Variants in RFX3 observed in about 807,000 individuals in gnomAD.
RFX3 encodes transcription factor RFX3.
Under a neutral mutation model 98.6 loss-of-function variants are expected in RFX3, and 14 were observed. The observed-to-expected ratio is 0.14, with a 90% CI of 0.09 to 0.22. The LOEUF is 0.22. Among genes scored for constraint, RFX3 ranks in the 10% least tolerant of loss-of-function variants. The pLI, the probability that RFX3 is intolerant of heterozygous loss-of-function variation, is 1.00. For synonymous variants in RFX3, 383 were observed against 328.4 expected (o/e 1.17, Z -1.80); for missense variants, 639 against 926.9 (o/e 0.69, Z 4.03).
At chr9:3,517,924 A>T (rs1024856995) in intron 1 of RFX3, among the ~76,000 whole-genome samples, 1 of 152,210 alleles carries the variant, frequency 6.6e-6, no homozygotes, top group Non-Finnish European at 1.5e-5. Flanking sequence ...CACATCCCAT[A>T]ACAAAATGGA....
intron 1 of RFX3, among the ~76,000 whole-genome samples, chr9:3,453,199 C>G (rs543703185): frequency 6.6e-6 from 1 of 152,168 alleles, no homozygotes; most frequent in South Asian, 2.1e-4. Flanking sequence ...TGATTAATCA[C>G]TCTGTCATGT....
At chr9:3,269,563 T>G (rs916098629) in intron 11 of RFX3, among the ~76,000 whole-genome samples, 1 of 152,150 alleles carries the variant, frequency 6.6e-6, no homozygotes, top group African/African-American at 2.4e-5. Flanking sequence ...TAAAATAGTT[T>G]CAGCTGCCTC....
chr9:3,301,209 T>TTTA (rs200588044), intron 5 of RFX3, among the ~76,000 whole-genome samples: 4,667 of 151,970 alleles, frequency 0.031, 96 homozygotes, highest in Middle Eastern at 0.075. Context: ...ATTACAAGTA[T>TTTA]TTGCTTCATA....
At chr9:3,439,229 TCTTAA>T (rs948113529) in intron 1 of RFX3, among the ~76,000 whole-genome samples, 9 of 151,966 alleles carry the variant, frequency 5.9e-5, no homozygotes, top group African/African-American at 1.9e-4. Context: ...ATAAGAAAGG[TCTTAA>T]CTTAATAGCC....
intron 1 of RFX3, among the ~76,000 whole-genome samples, chr9:3,467,101 T>C (rs1341372244): frequency 1.4e-5 from 2 of 143,404 alleles, no homozygotes; most frequent in East Asian, 3.9e-4. Flanking sequence ...TATATGTAAG[T>C]ATATATGTAT....
At chr9:3,452,258 G>C (rs954061258) in intron 1 of RFX3, 52 of 190,496 alleles carry the variant, frequency 2.7e-4, no homozygotes, top group Non-Finnish European at 5.7e-4. Context: ...GGCTCTTCTA[G>C]TTTTCTTAAG....
At chr9:3,476,871 C>G (rs866240937) in intron 1 of RFX3, among the ~76,000 whole-genome samples, 3 of 152,008 alleles carry the variant, frequency 2.0e-5, no homozygotes, top group Non-Finnish European at 4.4e-5. Flanking sequence ...GTTAAACAGA[C>G]CACAGCTCAA....
intron 2 of RFX3, among the ~76,000 whole-genome samples, chr9:3,370,458 A>G (rs1315290884): frequency 6.6e-6 from 1 of 151,674 alleles, no homozygotes; most frequent in Admixed American, 6.6e-5. Context: ...TCTATGAAGT[A>G]CATGATTTTT....
At position 3,298,183 on chromosome 9, in the gene RFX3, T is replaced by A. The variant is rs192348301; in HGVS notation, c.549+3363A>T. Among the ~76,000 whole-genome samples, 901 of 151,838 alleles carry A rather than the reference T, an allele frequency of 5.9e-3. 10 individuals are homozygous for A. Among genetic ancestry groups the A allele is most frequent in the African/African-American group, 0.02 (837 of 41,514 alleles). ...CTAAAATACCAGGAGAAAAACAAAG[T>A]CACTCTTGGCAAGATCTTTTTAAAA... On this transcript the variant is annotated intron_variant, in intron 5 of 16. Coordinates refer to ENST00000617270, the MANE Select transcript of RFX3 (RefSeq NM_001282116.2).
intron 4 of RFX3, among the ~76,000 whole-genome samples, chr9:3,308,213 T>A (rs190870844): frequency 3.3e-5 from 5 of 152,202 alleles, no homozygotes; most frequent in East Asian, 3.9e-4. Flanking sequence ...TGCTTGGGAA[T>A]TAAGACTGGT....
intron 9 of RFX3, among the ~76,000 whole-genome samples, chr9:3,273,396 C>A (rs969234619): frequency 7.9e-5 from 12 of 152,106 alleles, no homozygotes; most frequent in Admixed American, 6.6e-4. Context: ...CCTATTTCTT[C>A]ATAAAAAGTA....
chr9:3,449,253 C>A (rs942267896), intron 1 of RFX3, among the ~76,000 whole-genome samples: 1 of 152,188 alleles, frequency 6.6e-6, no homozygotes, highest in African/African-American at 2.4e-5. Flanking sequence ...CTAGGCTCTT[C>A]AAGCATAGGT....
chr9:3,318,867 A>C (rs1340306609), intron 4 of RFX3, among the ~76,000 whole-genome samples: 5 of 152,188 alleles, frequency 3.3e-5, no homozygotes, highest in South Asian at 2.1e-4. Context: ...CATTTGGCTT[A>C]TTTTGGGATG....
chr9:3,282,153 C>T (rs943330881), intron 7 of RFX3, among the ~76,000 whole-genome samples: 19 of 151,706 alleles, frequency 1.3e-4, no homozygotes, highest in African/African-American at 4.6e-4. Flanking sequence ...AAAACTGTCC[C>T]AGAAAGTCTT....
At chr9:3,273,864 CAA>C (rs34744889) in intron 9 of RFX3, among the ~76,000 whole-genome samples, 18 of 69,460 alleles carry the variant, frequency 2.6e-4, no homozygotes, top group African/African-American at 1.7e-4. Context: ...GACTCTGTCT[CAA>C]AAAAAAAAAA....
chr9:3,461,688 T>C (rs1847701556), intron 1 of RFX3, among the ~76,000 whole-genome samples: 1 of 151,950 alleles, frequency 6.6e-6, no homozygotes, highest in Non-Finnish European at 1.5e-5. Context: ...ACAAAATGTT[T>C]ACATGAACGA....
At chr9:3,423,150 G>A (rs910378483) in intron 1 of RFX3, among the ~76,000 whole-genome samples, 2 of 152,134 alleles carry the variant, frequency 1.3e-5, no homozygotes, top group African/African-American at 2.4e-5. Flanking sequence ...TTAAAACAAT[G>A]AGTAGATACA....
intron 7 of RFX3, among the ~76,000 whole-genome samples, chr9:3,287,832 C>T (rs934955124): frequency 6.6e-6 from 1 of 151,954 alleles, no homozygotes; most frequent in Non-Finnish European, 1.5e-5. Flanking sequence ...AAACAAATTT[C>T]TCCAGTTGGT....
At chr9:3,512,463 G>A (rs1487950891) in intron 1 of RFX3, among the ~76,000 whole-genome samples, 1 of 151,878 alleles carries the variant, frequency 6.6e-6, no homozygotes, top group Non-Finnish European at 1.5e-5. Context: ...ACTGTAGGCT[G>A]CTTTAGATAT....
Sources: allele counts gnomAD v4.1 joint callset (sites outside exome capture counted in the v4.1 genomes callset), GRCh38; gene constraint gnomAD v4.1.1; transcripts MANE v1.5; gene names NCBI Gene and HGNC (gene_info 2026-07-23, HGNC 2026-07-21).